BMP3: variants seen among roughly 807,000 people sequenced by gnomAD.
BMP3 encodes the protein bone morphogenetic protein 3.
A neutral mutation model predicts 38.1 loss-of-function variants in BMP3; 23 were observed. That is an observed-to-expected ratio of 0.60 (90% CI 0.43 to 0.86). The LOEUF is 0.86. BMP3 is among the 40% of genes least tolerant of loss of function. The pLI is 0.00. For synonymous variants in BMP3, 258 were observed against 225.7 expected, an observed-to-expected ratio of 1.14 and a Z score of -1.28; for missense variants, 628 against 579.6, an observed-to-expected ratio of 1.08 and a Z score of -0.86.
At chr4:81,037,729 A>G (rs756390436) in intron 1 of BMP3, among the ~76,000 whole-genome samples, 1 of 152,154 alleles carries the variant, frequency 6.6e-6, no homozygotes, top group South Asian at 2.1e-4. Context: ...GTTAGTAATC[A>G]TCTGTGCAAT....
intron 1 of BMP3, among the ~76,000 whole-genome samples, chr4:81,039,643 C>A (rs1740016492): frequency 1.3e-5 from 2 of 152,176 alleles, no homozygotes. Flanking sequence ...ATATAATAAT[C>A]AAACTCCTTT....
Position 81,053,594 on chromosome 4 carries a change from T to C in BMP3, c.*58T>C. 9.9e-7 allele frequency: 1 copy of C among 1,014,388 alleles called. No individual in the cohort carries two copies. 62.8% of individuals were successfully genotyped at this position (1,014,388 alleles called of 1,614,324 possible). A position where few individuals can be genotyped will look rare whatever the true frequency, so the allele number is the denominator to read the frequency against. On this transcript the variant is annotated 3_prime_UTR_variant, in exon 3 of 3. Coordinates refer to ENST00000282701, the MANE Select transcript of BMP3 (RefSeq NM_001201.5). Reference sequence around the variant, plus strand: ...AATCATTAGTTTATTTTTATGGACTTCTTCCTGTTTTTTTTTTTTTTTTTT... The same window carrying C: ...AATCATTAGTTTATTTTTATGGACTCCTTCCTGTTTTTTTTTTTTTTTTTT...
intron 1 of BMP3, among the ~76,000 whole-genome samples, chr4:81,036,079 A>G (rs955312115): frequency 2.0e-4 from 30 of 151,948 alleles, no homozygotes; most frequent in Admixed American, 5.9e-4. Flanking sequence ...AATTTTAGAT[A>G]TCTTCTGTCA....
Position 81,045,741 on chromosome 4 carries a change from CT to C in BMP3, c.321del (p.Glu109LysfsTer10). 1 of 1,578,236 alleles carries C rather than the reference CT, an allele frequency of 6.3e-7. No individual in the cohort carries two copies. The highest frequency in any genetic ancestry group is 8.6e-7 in the Non-Finnish European group (1 of 1,164,588). On this transcript the variant is annotated frameshift_variant, in exon 2 of 3. Coordinates refer to ENST00000282701, the MANE Select transcript of BMP3 (RefSeq NM_001201.5). LOFTEE classifies it high-confidence loss of function. ...TCTCTTTCTTTTTCCTTCCTAGAAA[CT>C]CTTGAAAGAAAAGGACTGTATATCT... Reference protein sequence around the residue: ...VRSFRAAAAETLERKGLYIFN... With the variant: ...VRSFRAAAAEXLERKGLYIFN...
At chr4:81,046,761 G>T in intron 2 of BMP3, 113 bp downstream of exon 2, 1 of 1,240,370 alleles carries the variant, frequency 8.1e-7, no homozygotes, top group Non-Finnish European at 1.1e-6. Context: ...GTTTCCATTT[G>T]CAAAATCCAT....
Position 81,046,160 on chromosome 4 carries a change from G to A in BMP3, c.739G>A (p.Ala247Thr). 3.7e-6 allele frequency: 6 copies of A among 1,614,086 alleles called. No homozygotes were observed. Among genetic ancestry groups the A allele is most frequent in the Non-Finnish European group, 5.1e-6 (6 of 1,180,024 alleles). ...TTATATCTTGGTATATGCCAATGATGCCGCCATTTCTGAGCCAGAAAGTGT... is the reference window on the plus strand; with the variant it reads ...TTATATCTTGGTATATGCCAATGATACCGCCATTTCTGAGCCAGAAAGTGT... ...EPYILVYAND[A>T]AISEPESVVS... Residue 247 changes from alanine (A) to threonine (T), a missense_variant, in exon 2 of 3, where the codon GCC becomes ACC. Ala to Thr is a moderately conservative substitution (Grantham distance 58). Transcript: ENST00000282701.
chr4:81,033,653 AAG>A (rs2109900996), intron 1 of BMP3, among the ~76,000 whole-genome samples: 1 of 152,250 alleles, frequency 6.6e-6, no homozygotes, highest in East Asian at 1.9e-4. Context: ...GGCCCCTTCC[AAG>A]AGTGTTTAGT....
chr4:81,050,832 G>C (rs896590121), intron 2 of BMP3, among the ~76,000 whole-genome samples: 9 of 152,108 alleles, frequency 5.9e-5, no homozygotes, highest in Non-Finnish European at 8.8e-5. Context: ...ATATGCATTA[G>C]TAATTGATAT....
At chr4:81,038,495 T>G (rs1739980723) in intron 1 of BMP3, among the ~76,000 whole-genome samples, 1 of 152,210 alleles carries the variant, frequency 6.6e-6, no homozygotes, top group Non-Finnish European at 1.5e-5. Context: ...TCAAAAGCTA[T>G]CAGCCAGGCA....
chr4:81,048,989 A>T (rs914367299), intron 2 of BMP3, among the ~76,000 whole-genome samples: 4 of 152,196 alleles, frequency 2.6e-5, no homozygotes, highest in African/African-American at 9.7e-5. Context: ...TCTACCACTT[A>T]CCTGCTATGA....
At position 81,046,025 on chromosome 4, in the gene BMP3, A is replaced by G; in HGVS notation, c.604A>G (p.Ile202Val). 2.5e-6 allele frequency: 4 copies of G among 1,614,174 alleles called. No homozygotes were observed. Among genetic ancestry groups the G allele is most frequent in the Non-Finnish European group, 3.4e-6 (4 of 1,180,020 alleles). ...RDIMSWLSKD[I>V]TQLLRKAKEN... ...TATTATGTCCTGGCTGTCTAAAGAT[A>G]TCACTCAACTCTTGAGGAAGGCCAA... The change falls in exon 2 of 3, where the codon ATC (isoleucine) becomes GTC (valine). Residue 202 changes from isoleucine to valine, a missense_variant. Transcript: ENST00000282701.
At chr4:81,037,947 G>C (rs568383014) in intron 1 of BMP3, among the ~76,000 whole-genome samples, 4 of 152,090 alleles carry the variant, frequency 2.6e-5, no homozygotes, top group African/African-American at 9.6e-5. Flanking sequence ...TCAAACTCTG[G>C]TGACGGAGCT....
At chr4:81,031,818 G>C (rs1370386199) in intron 1 of BMP3, among the ~76,000 whole-genome samples, 1 of 152,158 alleles carries the variant, frequency 6.6e-6, no homozygotes, top group Non-Finnish European at 1.5e-5. Flanking sequence ...AGTGAGAGGG[G>C]GAAATAGAAT....
intron 1 of BMP3, among the ~76,000 whole-genome samples, chr4:81,044,497 A>G (rs1740177706): frequency 6.6e-6 from 1 of 152,216 alleles, no homozygotes; most frequent in African/African-American, 2.4e-5. Context: ...TATAAATTTA[A>G]CTAATTTTAA....
chr4:81,046,470 A>C lies in BMP3; in HGVS notation c.1049A>C (p.Gln350Pro). The change falls in exon 2 of 3, where the codon CAA (glutamine) becomes CCA (proline). Residue 350 changes from glutamine to proline, a missense_variant. Coordinates refer to ENST00000282701, the MANE Select transcript of BMP3 (RefSeq NM_001201.5). Reference protein sequence around the residue: ...KGPHRKSQTLQFDEQTLKKAR... With the variant: ...KGPHRKSQTLPFDEQTLKKAR... ...CCTCATCGGAAGAGCCAGACGCTCC[A>C]ATTTGATGAGCAGACCCTGAAAAAG... 1 of 1,614,094 alleles carries C rather than the reference A, an allele frequency of 6.2e-7. No individual in the cohort carries two copies. The highest frequency in any genetic ancestry group is 8.5e-7 in the Non-Finnish European group (1 of 1,179,994).
intron 2 of BMP3, among the ~76,000 whole-genome samples, chr4:81,049,561 C>T (rs1204806773): frequency 6.6e-6 from 1 of 152,168 alleles, no homozygotes; most frequent in Non-Finnish European, 1.5e-5. Flanking sequence ...TTGGCTGTTA[C>T]ATAGAGTTCT....
intron 1 of BMP3, among the ~76,000 whole-genome samples, chr4:81,031,958 T>G (rs1456986472): frequency 2.0e-5 from 3 of 152,064 alleles, no homozygotes; most frequent in Non-Finnish European, 4.4e-5. Context: ...ATTCTGTTGA[T>G]TCCTAAATCG....
intron 1 of BMP3, chr4:81,037,358 A>C (rs1739949485): frequency 4.1e-6 from 1 of 243,362 alleles, no homozygotes; most frequent in East Asian, 1.2e-4. Context: ...TCAAGTAGAG[A>C]AAAGATTATT....
intron 2 of BMP3, among the ~76,000 whole-genome samples, chr4:81,047,028 G>T (rs1486362943): frequency 6.6e-6 from 1 of 152,166 alleles, no homozygotes; most frequent in Non-Finnish European, 1.5e-5. Context: ...GAGTATTCAA[G>T]GAATAAGTGA....
Sources: allele counts gnomAD v4.1 joint callset (sites outside exome capture counted in the v4.1 genomes callset), GRCh38; gene constraint gnomAD v4.1.1; transcripts MANE v1.5; gene names NCBI Gene and HGNC (gene_info 2026-07-23, HGNC 2026-07-21).